ATP9A: variants seen among roughly 807,000 people sequenced by gnomAD.
The protein encoded by ATP9A is probable phospholipid-transporting ATPase IIA.
In ATP9A, 52 loss-of-function variants were observed where a neutral mutation model predicts 144.1. The ratio of observed to expected loss-of-function variants is 0.36; its 90% CI spans 0.29 to 0.45. ATP9A has a LOEUF of 0.45. ATP9A is among the 20% of genes least tolerant of loss of function. The pLI is 1.00. For missense variants in ATP9A, 947 were observed against 1,392.7 expected (o/e 0.68, Z 5.09); for synonymous variants, 582 against 557.4 (o/e 1.04, Z -0.62).
intron 1 of ATP9A, 132 bp from the exon 2 acceptor site, chr20:51,730,110 T>G: frequency 1.0e-6 from 1 of 1,004,358 alleles, no homozygotes; most frequent in Non-Finnish European, 1.3e-6. Flanking sequence ...TATTTGAGGC[T>G]TCATCTTTCA....
intron 3 of ATP9A, among the ~76,000 whole-genome samples, chr20:51,722,174 T>G (rs1417254270): frequency 6.6e-6 from 1 of 152,226 alleles, no homozygotes; most frequent in African/African-American, 2.4e-5. Context: ...ATCTCTCATC[T>G]TATACAAAAA....
intron 1 of ATP9A, among the ~76,000 whole-genome samples, chr20:51,757,927 A>T (rs2077863590): frequency 6.6e-6 from 1 of 152,072 alleles, no homozygotes; most frequent in Admixed American, 6.6e-5. Context: ...TTTTAAATGT[A>T]TAAGCACAAC....
chr20:51,628,887 A>G (rs2122733052), intron 16 of ATP9A, 93 bp downstream of exon 16: 1 of 1,071,238 alleles, frequency 9.3e-7, no homozygotes, highest in African/African-American at 1.6e-5. Flanking sequence ...ACAGCCACCG[A>G]TAACAAATAC....
chr20:51,610,006 G>T, intron 24 of ATP9A, 95 bp downstream of exon 24: 1 of 1,162,594 alleles, frequency 8.6e-7, no homozygotes, highest in Non-Finnish European at 1.3e-6. Flanking sequence ...ATGTGGCTTG[G>T]GAACCCAAGA....
At chr20:51,717,005 C>A (rs894071571) in intron 3 of ATP9A, among the ~76,000 whole-genome samples, 3 of 151,786 alleles carry the variant, frequency 2.0e-5, no homozygotes, top group Admixed American at 2.0e-4. Flanking sequence ...GAAACCCCCA[C>A]CCCTATTAAA....
intron 15 of ATP9A, among the ~76,000 whole-genome samples, chr20:51,632,117 T>TTGCTGTGTTGCC (rs2077272357): frequency 6.6e-6 from 1 of 152,186 alleles, no homozygotes; most frequent in Non-Finnish European, 1.5e-5. Flanking sequence ...TTGCCCAGGC[T>TTGCTGTGTTGCC]AGAGCGCAAT....
chr20:51,699,328 A>T (rs1203273010), intron 4 of ATP9A, among the ~76,000 whole-genome samples: 2 of 134,670 alleles, frequency 1.5e-5, no homozygotes, highest in African/African-American at 2.8e-5. Context: ...AGCAAAACTC[A>T]ATCTCAAAAA....
chr20:51,621,006 G>A (rs1225508282), intron 19 of ATP9A, among the ~76,000 whole-genome samples: 1 of 152,080 alleles, frequency 6.6e-6, no homozygotes. Context: ...AATTAGCCAG[G>A]TGTGGTGGCA....
intron 11 of ATP9A, 70 bp downstream of exon 11, chr20:51,674,082 AC>A (rs2077467196): frequency 1.3e-6 from 2 of 1,499,618 alleles, no homozygotes; most frequent in East Asian, 4.5e-5. Context: ...AAGCCACAGA[AC>A]CATCATCTTT....
At chr20:51,626,442 T>C (rs1325204629) in intron 17 of ATP9A, among the ~76,000 whole-genome samples, 1 of 151,068 alleles carries the variant, frequency 6.6e-6, no homozygotes, top group Non-Finnish European at 1.5e-5. Context: ...TGAGCAGAGA[T>C]CGTGCCATTG....
At chr20:51,642,056 A>G (rs1350976093) in intron 14 of ATP9A, among the ~76,000 whole-genome samples, 6 of 152,188 alleles carry the variant, frequency 3.9e-5, no homozygotes, top group South Asian at 4.1e-4. Flanking sequence ...ATGGGAATAA[A>G]GTGACAGCTT....
chr20:51,717,749 T>A (rs2077668408), intron 3 of ATP9A, among the ~76,000 whole-genome samples: 1 of 151,584 alleles, frequency 6.6e-6, no homozygotes, highest in Non-Finnish European at 1.5e-5. Context: ...AGGTCAGGAG[T>A]TCGAGACCAG....
intron 16 of ATP9A, among the ~76,000 whole-genome samples, chr20:51,628,752 C>T (rs752840706): frequency 1.3e-5 from 2 of 152,376 alleles, no homozygotes; most frequent in African/African-American, 2.4e-5. Flanking sequence ...ATCTGAATTA[C>T]GGCCAGTGGG....
chr20:51,707,820 T>C (rs776928725), intron 4 of ATP9A, among the ~76,000 whole-genome samples: 17 of 152,108 alleles, frequency 1.1e-4, no homozygotes, highest in South Asian at 2.1e-4. Context: ...AAACCTAGCA[T>C]AGACTTGGTA....
At chr20:51,693,135 C>T (rs151186799) in intron 7 of ATP9A, among the ~76,000 whole-genome samples, 101 of 152,342 alleles carry the variant, frequency 6.6e-4, no homozygotes, top group African/African-American at 2.3e-3. Flanking sequence ...ATCATACACA[C>T]TGGGGATACG....
At chr20:51,755,078 A>G (rs749143368) in intron 1 of ATP9A, among the ~76,000 whole-genome samples, 1 of 151,292 alleles carries the variant, frequency 6.6e-6, no homozygotes, top group Non-Finnish European at 1.5e-5. Flanking sequence ...AGACTGCACC[A>G]CTGCACTCCA....
intron 14 of ATP9A, 122 bp downstream of exon 14, chr20:51,656,816 A>G (rs2077388588): frequency 1.2e-6 from 1 of 824,846 alleles, no homozygotes; most frequent in Non-Finnish European, 1.9e-6. Flanking sequence ...GTTTCCCAGC[A>G]GCCCTGCATC....
chr20:51,618,618 C>T (rs759740206), intron 21 of ATP9A, 44 bp downstream of exon 21: 27 of 1,569,796 alleles, frequency 1.7e-5, no homozygotes, highest in Non-Finnish European at 2.3e-5. Context: ...GAGCCTGGTG[C>T]ACCGGCAGGC....
At chr20:51,696,235 T>C (rs1199558800) in intron 5 of ATP9A, 91 bp from the exon 6 acceptor site, 2 of 1,184,308 alleles carry the variant, frequency 1.7e-6, no homozygotes, top group Non-Finnish European at 2.5e-6. Flanking sequence ...CCCCAACCCC[T>C]CGGTGGGTTG....
Sources: gnomAD v4.1 joint callset for allele counts (sites outside exome capture counted in the v4.1 genomes callset) on GRCh38, gnomAD v4.1.1 for gene constraint, MANE v1.5 for transcripts, NCBI Gene and HGNC (gene_info 2026-07-23, HGNC 2026-07-21) for gene names.